Variants in LPP observed in about 807,000 individuals in gnomAD.
LPP encodes the protein LIM domain containing preferred translocation partner in lipoma.
Under a neutral mutation model 60.4 loss-of-function variants are expected in LPP, and 38 were observed. That is an observed-to-expected ratio of 0.63 (90% CI 0.49 to 0.83). LPP has a LOEUF of 0.83. LPP is among the 40% of genes least tolerant of loss of function. The pLI is 0.00. For missense variants in LPP, 902 were observed against 783.6 expected, an observed-to-expected ratio of 1.15 and a Z score of -1.80; for synonymous variants, 328 against 290.8, an observed-to-expected ratio of 1.13 and a Z score of -1.30.
intron 5 of LPP, among the ~76,000 whole-genome samples, chr3:188,515,251 C>T (rs191049447): frequency 2.0e-5 from 3 of 152,198 alleles, no homozygotes; most frequent in Admixed American, 1.3e-4. Flanking sequence ...TGGGTTCACA[C>T]GAGATCTGGT....
chr3:188,626,811 G>T (rs1846927855), intron 7 of LPP, among the ~76,000 whole-genome samples: 1 of 152,074 alleles, frequency 6.6e-6, no homozygotes, highest in African/African-American at 2.4e-5. Context: ...TTTGAAGGGA[G>T]ACATGACTCA....
chr3:188,782,807 G>A (rs941419468), intron 9 of LPP, among the ~76,000 whole-genome samples: 6 of 151,038 alleles, frequency 4.0e-5, no homozygotes, highest in South Asian at 4.2e-4. Flanking sequence ...CTTGACCTGC[G>A]CCTTGACCCC....
Position 188,609,258 on chromosome 3 carries a change from A to G in LPP, c.527A>G (p.Lys176Arg). The change falls in exon 7 of 12, where the codon AAG (lysine) becomes AGG (arginine). Residue 176 changes from lysine (K) to arginine (R), a missense_variant. Coordinates refer to ENST00000617246, the MANE Select transcript of LPP (RefSeq NM_001375462.1). This position sits in a 1 kb window ranked among gnomAD's most constrained non-coding sequence, Gnocchi z 6.9. ...IPNQPPLTAT[K>R]KSTLKPQPAP... Reference sequence around the variant, plus strand: ...AACCAACCCCCTCTAACAGCAACCAAGAAGTCTACATTGAAACCACAGCCT... The same window carrying G: ...AACCAACCCCCTCTAACAGCAACCAGGAAGTCTACATTGAAACCACAGCCT... 3.1e-6 allele frequency: 5 copies of G among 1,614,044 alleles called. No homozygotes were observed. The highest frequency in any genetic ancestry group is 2.2e-5 in the East Asian group (1 of 44,850).
chr3:188,312,142 CACACACACACAGAA>C (rs1753660939), intron 2 of LPP, among the ~76,000 whole-genome samples: 1 of 148,784 alleles, frequency 6.7e-6, no homozygotes, highest in South Asian at 2.1e-4. Context: ...CATGTGTATA[CACACACACACAGAA>C]ACACACACAC....
At chr3:188,866,535 A>G (rs534470758) in intron 10 of LPP, among the ~76,000 whole-genome samples, 157 bp downstream of exon 10, 1 of 152,276 alleles carries the variant, frequency 6.6e-6, no homozygotes, top group African/African-American at 2.4e-5. Flanking sequence ...CCTCCAATGC[A>G]AGAATTAATA....
intron 6 of LPP, among the ~76,000 whole-genome samples, chr3:188,577,571 T>C (rs543433087): frequency 2.8e-4 from 43 of 151,188 alleles, no homozygotes; most frequent in African/African-American, 9.4e-4. Flanking sequence ...ATGTATACTA[T>C]ATATTTTAAT....
rs1168849666 is a variant in LPP, at chr3:188,182,915, G to A, written c.-190+28663G>A. On this transcript the variant is annotated intron_variant, in intron 1 of 11. Transcript: ENST00000617246. The surrounding 1 kb of genome is among the most constrained non-coding windows in gnomAD (Gnocchi z 4.4). ...GTAGACCTGGTCAAGAGTACTTAGA[G>A]AAAATTCCCTCAGTGTTTCCATTGT... Among the ~76,000 whole-genome samples, 1 of 152,062 alleles carries A rather than the reference G, an allele frequency of 6.6e-6. No individual in the cohort carries two copies. Among genetic ancestry groups the A allele is most frequent in the Non-Finnish European group, 1.5e-5 (1 of 68,018 alleles).
At chr3:188,254,622 C>T (rs1286536861) in intron 2 of LPP, among the ~76,000 whole-genome samples, 1 of 152,148 alleles carries the variant, frequency 6.6e-6, no homozygotes, top group African/African-American at 2.4e-5. Context: ...AAAATCAGAG[C>T]CAAGGTTTTG....
intron 5 of LPP, among the ~76,000 whole-genome samples, chr3:188,490,922 T>A (rs1437023802): frequency 2.0e-5 from 3 of 151,732 alleles, no homozygotes; most frequent in Admixed American, 6.6e-5. Flanking sequence ...ACCTGGCTAA[T>A]TTTTTTAGTT....
intron 4 of LPP, among the ~76,000 whole-genome samples, chr3:188,426,228 G>A (rs1412284735): frequency 6.6e-6 from 1 of 150,418 alleles, no homozygotes; most frequent in East Asian, 1.9e-4. Flanking sequence ...TCATTCAGGA[G>A]CAGGTTGTTC....
intron 9 of LPP, among the ~76,000 whole-genome samples, chr3:188,833,297 G>A (rs1202346601): frequency 6.6e-6 from 1 of 152,178 alleles, no homozygotes; most frequent in Non-Finnish European, 1.5e-5. Context: ...TACATTTCAG[G>A]TCTTGCTTCA....
intron 2 of LPP, among the ~76,000 whole-genome samples, chr3:188,316,954 A>C (rs752139222): frequency 6.6e-6 from 1 of 152,204 alleles, no homozygotes; most frequent in South Asian, 2.1e-4. Context: ...AGGCCCAACA[A>C]TCCTTGCTAA....
intron 9 of LPP, among the ~76,000 whole-genome samples, chr3:188,842,264 C>T (rs1760230372): frequency 6.6e-6 from 1 of 152,178 alleles, no homozygotes; most frequent in Non-Finnish European, 1.5e-5. Context: ...ATTTGCATAT[C>T]TCTGATGAGC....
At chr3:188,332,293 T>G (rs1760314945) in intron 2 of LPP, among the ~76,000 whole-genome samples, 1 of 152,238 alleles carries the variant, frequency 6.6e-6, no homozygotes, top group Admixed American at 6.5e-5. Flanking sequence ...GACTTCATCC[T>G]GCCAATGGGT....
Position 188,708,472 on chromosome 3 carries a change from G to A in LPP, c.1240+79G>A, listed in dbSNP as rs751697126. 8 of 1,579,648 alleles carry A rather than the reference G, an allele frequency of 5.1e-6. 1 individual carries two copies. The South Asian group carries it at 8.9e-5, about 17-fold the overall frequency. On this transcript the variant is annotated intron_variant, in intron 8 of 11. Coordinates refer to ENST00000617246, the MANE Select transcript of LPP (RefSeq NM_001375462.1). ...TCCTTAGTAATTGGAACTATTATCA[G>A]CTCCACTGGTAAAGTATTTGAGTCC...
intron 6 of LPP, among the ~76,000 whole-genome samples, chr3:188,536,569 T>C (rs1823697218): frequency 6.6e-6 from 1 of 152,226 alleles, no homozygotes; most frequent in African/African-American, 2.4e-5. Context: ...TAAAAATATA[T>C]CTAAACTTCG....
chr3:188,780,022 G>A (rs1009021046), intron 9 of LPP, among the ~76,000 whole-genome samples: 4 of 152,094 alleles, frequency 2.6e-5, no homozygotes, highest in African/African-American at 9.7e-5. Flanking sequence ...CATAGAGCTG[G>A]TTGGATGACT....
intron 5 of LPP, among the ~76,000 whole-genome samples, chr3:188,516,190 C>A (rs1817313138): frequency 6.6e-6 from 1 of 152,156 alleles, no homozygotes; most frequent in South Asian, 2.1e-4. Context: ...TTTTGGAAAG[C>A]TAAACACTTC....
intron 1 of LPP, among the ~76,000 whole-genome samples, chr3:188,193,463 T>C (rs550129746): frequency 6.6e-6 from 1 of 152,366 alleles, no homozygotes; most frequent in Non-Finnish European, 1.5e-5. Flanking sequence ...TGAGTTCATA[T>C]TTCTAAAGTA....
Sources: gnomAD v4.1 joint callset for allele counts (sites outside exome capture counted in the v4.1 genomes callset) on GRCh38, gnomAD v4.1.1 for gene constraint, Gnocchi (gnomAD v3.1) non-coding constraint, MANE v1.5 for transcripts, NCBI Gene and HGNC (gene_info 2026-07-23, HGNC 2026-07-21) for gene names.